DOCK9: variants seen among roughly 807,000 people sequenced by gnomAD.
DOCK9 encodes the protein dedicator of cytokinesis protein 9.
DOCK9 carries 89 observed loss-of-function variants against 263.3 expected under a neutral mutation model. The ratio of observed to expected loss-of-function variants is 0.34; its 90% CI spans 0.28 to 0.40. The LOEUF is 0.40. DOCK9 is among the 10% of genes least tolerant of loss of function. The pLI, the probability that DOCK9 is intolerant of heterozygous loss-of-function variation, is 1.00. For missense variants in DOCK9, 2,140 were observed against 2,603.4 expected (o/e 0.82, Z 3.87); for synonymous variants, 976 against 973.1 (o/e 1.00, Z -0.06).
At chr13:99,051,932 C>T (rs1211754915) in intron 1 of DOCK9, among the ~76,000 whole-genome samples, 1 of 146,694 alleles carries the variant, frequency 6.8e-6, no homozygotes, top group Non-Finnish European at 1.5e-5. Flanking sequence ...ACAAAAACAC[C>T]AGAACCACAG....
At chr13:98,816,426 G>A (rs145411332) in intron 45 of DOCK9, among the ~76,000 whole-genome samples, 97 of 152,146 alleles carry the variant, frequency 6.4e-4, no homozygotes, top group Admixed American at 1.8e-3. Flanking sequence ...TCTGACTTGC[G>A]AGCAACGGGT....
chr13:99,022,056 T>C (rs1361115610), intron 1 of DOCK9, among the ~76,000 whole-genome samples: 1 of 152,226 alleles, frequency 6.6e-6, no homozygotes, highest in African/African-American at 2.4e-5. Flanking sequence ...ACTCTTACCA[T>C]GGTGCATTTC....
At chr13:98,907,748 C>A (rs776623033) in intron 9 of DOCK9, among the ~76,000 whole-genome samples, 4 of 152,172 alleles carry the variant, frequency 2.6e-5, no homozygotes, top group Non-Finnish European at 5.9e-5. Context: ...GCATTAAACA[C>A]AGAGGATGCC....
At chr13:98,942,228 T>TG (rs201473449) in intron 2 of DOCK9, among the ~76,000 whole-genome samples, 1,639 of 135,580 alleles carry the variant, frequency 0.012, 36 homozygotes, top group African/African-American at 0.047. Flanking sequence ...ATGTTTTTTT[T>TG]TTTGTTGTTT....
chr13:98,846,758 G>A, intron 37 of DOCK9: 1 of 365,770 alleles, frequency 2.7e-6, no homozygotes, highest in Non-Finnish European at 5.4e-6. Context: ...GACTATCATC[G>A]ACTGCATGCT....
chr13:99,038,288 CTTTTTTTTTTTTTTTTTT>C (rs71419743), intron 1 of DOCK9, among the ~76,000 whole-genome samples: 2 of 86,264 alleles, frequency 2.3e-5, no homozygotes, highest in Admixed American at 1.5e-4. Context: ...TTATGCCCCC[CTTTTTTTTTTTTTTTTTT>C]TTTTTTTTTT....
chr13:98,804,851 G>A, intron 49 of DOCK9, 148 bp downstream of exon 49: 1 of 713,248 alleles, frequency 1.4e-6, no homozygotes, highest in East Asian at 2.7e-5. Context: ...TCAAAAGGAA[G>A]CACTAGATAA....
chr13:99,048,198 G>A (rs908143533), intron 1 of DOCK9, among the ~76,000 whole-genome samples: 10 of 152,264 alleles, frequency 6.6e-5, no homozygotes, highest in African/African-American at 2.2e-4. Flanking sequence ...TATCTGTTTT[G>A]TTTTGTTTTG....
At chr13:98,816,134 T>C (rs1218469496) in intron 45 of DOCK9, among the ~76,000 whole-genome samples, 1 of 152,208 alleles carries the variant, frequency 6.6e-6, no homozygotes, top group African/African-American at 2.4e-5. Context: ...AACAAATCTA[T>C]ATAAATAGGA....
In DOCK9 at chr13:98,863,560, A is replaced by G. The variant is rs774212604; in HGVS notation, c.3287-12T>C. 7.7e-5 allele frequency: 122 copies of G among 1,593,066 alleles called. No homozygotes were observed. Among genetic ancestry groups the G allele is most frequent in the Non-Finnish European group, 4.8e-5 (56 of 1,167,180 alleles). On this transcript the variant is annotated splice_polypyrimidine_tract_variant and intron_variant, in intron 30 of 52. Coordinates refer to ENST00000682017, the MANE Select transcript of DOCK9 (RefSeq NM_001366683.2). ...GTCAAGCTGGAGGTCTGAAATGAGGATAGAAACTACTTGAGTTAGGAAAGA... is the reference window on the plus strand; with the variant it reads ...GTCAAGCTGGAGGTCTGAAATGAGGGTAGAAACTACTTGAGTTAGGAAAGA...
intron 3 of DOCK9, 145 bp from the exon 4 acceptor site, chr13:98,926,064 C>T: frequency 1.8e-6 from 1 of 571,244 alleles, no homozygotes; most frequent in East Asian, 2.9e-5. Context: ...TGAAATTCCA[C>T]CACCAGAGAT....
intron 38 of DOCK9, among the ~76,000 whole-genome samples, chr13:98,842,002 A>G (rs1443736054): frequency 3.3e-5 from 5 of 152,086 alleles, no homozygotes; most frequent in Non-Finnish European, 5.9e-5. Flanking sequence ...ATTTTATCCA[A>G]TTTTAAAGAT....
intron 7 of DOCK9, among the ~76,000 whole-genome samples, chr13:98,918,861 G>C (rs1405960920): frequency 6.6e-6 from 1 of 152,172 alleles, no homozygotes; most frequent in Non-Finnish European, 1.5e-5. Context: ...AGGAAGACAG[G>C]CCGAATGTCT....
chr13:98,841,670 G>A (rs1432062143), intron 38 of DOCK9, among the ~76,000 whole-genome samples: 4 of 148,042 alleles, frequency 2.7e-5, no homozygotes. Flanking sequence ...CACCCAGGCT[G>A]GAGTGCAGCG....
At chr13:98,856,190 G>GTCATATACAATGAGATA in intron 33 of DOCK9, 159 bp from the exon 34 acceptor site, 1 of 655,192 alleles carries the variant, frequency 1.5e-6, no homozygotes, top group Non-Finnish European at 2.5e-6. Flanking sequence ...AAAGAACCAG[G>GTCATATACAATGAGATA]TCATATACAA....
intron 38 of DOCK9, 46 bp from the exon 39 acceptor site, chr13:98,837,655 C>T: frequency 7.1e-7 from 1 of 1,405,458 alleles, no homozygotes; most frequent in South Asian, 1.2e-5. Context: ...GTTCAGAAGG[C>T]AAGGCTGGCA....
At chr13:98,923,769 A>G (rs2052466369) in intron 4 of DOCK9, among the ~76,000 whole-genome samples, 1 of 152,234 alleles carries the variant, frequency 6.6e-6, no homozygotes, top group African/African-American at 2.4e-5. Context: ...AAAACAAGAC[A>G]CCAATACCAA....
At chr13:98,815,773 G>A (rs2091786397) in intron 45 of DOCK9, among the ~76,000 whole-genome samples, 1 of 152,056 alleles carries the variant, frequency 6.6e-6, no homozygotes, top group Admixed American at 6.6e-5. Flanking sequence ...GAGCCACCGC[G>A]CCCGGCCGAG....
chr13:98,916,350 A>G (rs1422523710), intron 7 of DOCK9, among the ~76,000 whole-genome samples: 1 of 152,240 alleles, frequency 6.6e-6, no homozygotes, highest in African/African-American at 2.4e-5. Context: ...CAGTAGACAG[A>G]GGTTCAGCTC....
Sources: allele counts gnomAD v4.1 joint callset (sites outside exome capture counted in the v4.1 genomes callset), GRCh38; gene constraint gnomAD v4.1.1; transcripts MANE v1.5; gene names NCBI Gene and HGNC (gene_info 2026-07-23, HGNC 2026-07-21).